The following AKAP6 variants were observed in gnomAD, a reference collection of about 807,000 sequenced individuals.
AKAP6 encodes the protein A-kinase anchor protein 6.
Under a neutral mutation model 188.5 loss-of-function variants are expected in AKAP6, and 58 were observed. The ratio of observed to expected loss-of-function variants is 0.31; its 90% confidence interval spans 0.25 to 0.38. The LOEUF (loss-of-function observed/expected upper bound fraction) is 0.38. Among genes scored for constraint, AKAP6 ranks in the 10% least tolerant of loss-of-function variants. The pLI, the probability that AKAP6 is intolerant of heterozygous loss-of-function variation, is 1.00. For synonymous variants in AKAP6, 989 were observed against 998.6 expected, an observed-to-expected ratio of 0.99 and a Z score of 0.18; for missense variants, 2,710 against 2,740.0, an observed-to-expected ratio of 0.99 and a Z score of 0.24.
intron 12 of AKAP6, among the ~76,000 whole-genome samples, chr14:32,789,558 T>G (rs946126184): frequency 6.6e-6 from 1 of 152,120 alleles, no homozygotes; most frequent in South Asian, 2.1e-4. Context: ...CAGCCTTCAC[T>G]GGTGAAACCT....
chr14:32,478,740 A>G (rs768750), intron 2 of AKAP6, among the ~76,000 whole-genome samples: 65,594 of 151,912 alleles, frequency 0.43, 14,446 homozygotes, highest in Middle Eastern at 0.54. Flanking sequence ...GATGATTATC[A>G]CTCTTTTAGG....
At chr14:32,551,571 C>CA (rs1184190008) in intron 4 of AKAP6, among the ~76,000 whole-genome samples, 8,197 of 50,848 alleles carry the variant, frequency 0.16, 505 homozygotes, top group African/African-American at 0.24. Flanking sequence ...GACTTGGTCT[C>CA]AAAAAAAAAA....
intron 2 of AKAP6, among the ~76,000 whole-genome samples, chr14:32,449,255 C>T (rs1014985064): frequency 6.6e-6 from 1 of 152,020 alleles, no homozygotes; most frequent in Non-Finnish European, 1.5e-5. Context: ...TGCCTGTAAC[C>T]CCAGCACTTT....
chr14:32,572,440 G>A (rs1884534537), intron 4 of AKAP6, among the ~76,000 whole-genome samples: 1 of 152,134 alleles, frequency 6.6e-6, no homozygotes, highest in African/African-American at 2.4e-5. Context: ...TCCATTATGT[G>A]GCTGTTCCCT....
chr14:32,776,627 T>G (rs938234440), intron 12 of AKAP6, among the ~76,000 whole-genome samples: 1 of 152,236 alleles, frequency 6.6e-6, no homozygotes, highest in African/African-American at 2.4e-5. Flanking sequence ...TGAGTACATG[T>G]GTTCATTTAA....
intron 4 of AKAP6, among the ~76,000 whole-genome samples, chr14:32,547,533 C>T (rs114457170): frequency 0.016 from 2,434 of 152,188 alleles, 62 homozygotes; most frequent in African/African-American, 0.054. Context: ...ACCATATTAC[C>T]TATACATGTA....
intron 1 of AKAP6, among the ~76,000 whole-genome samples, chr14:32,359,138 C>T (rs1260286389): frequency 6.6e-6 from 1 of 152,034 alleles, no homozygotes; most frequent in East Asian, 1.9e-4. Context: ...CATAACAACT[C>T]TAAAATAAAG....
At chr14:32,818,683 A>T (rs1299314549) in intron 12 of AKAP6, among the ~76,000 whole-genome samples, 1 of 152,208 alleles carries the variant, frequency 6.6e-6, no homozygotes, top group Non-Finnish European at 1.5e-5. Flanking sequence ...TTGAATTCGT[A>T]AAGCCGTAAA....
chr14:32,819,484 T>C (rs548585938), intron 12 of AKAP6, among the ~76,000 whole-genome samples: 1 of 152,304 alleles, frequency 6.6e-6, no homozygotes, highest in South Asian at 2.1e-4. Context: ...AATACAAATA[T>C]GCTAGCCTGT....
chr14:32,370,611 T>C (rs1350148124), intron 1 of AKAP6, among the ~76,000 whole-genome samples: 2 of 152,200 alleles, frequency 1.3e-5, no homozygotes, highest in African/African-American at 2.4e-5. Context: ...GTGGCTGTAT[T>C]AGTGCTGGTG....
intron 12 of AKAP6, among the ~76,000 whole-genome samples, chr14:32,787,953 A>G (rs1322497367): frequency 6.7e-6 from 1 of 150,322 alleles, no homozygotes; most frequent in African/African-American, 2.4e-5. Context: ...AAACAGGAGG[A>G]CTGCTTGAGC....
intron 7 of AKAP6, among the ~76,000 whole-genome samples, chr14:32,604,508 A>G (rs1250049524): frequency 2.0e-5 from 3 of 152,196 alleles, no homozygotes; most frequent in Non-Finnish European, 2.9e-5. Flanking sequence ...CATGCTTTCT[A>G]TTTGTTTAAT....
chr14:32,567,397 T>C (rs1459461425), intron 4 of AKAP6, among the ~76,000 whole-genome samples: 1 of 152,198 alleles, frequency 6.6e-6, no homozygotes, highest in Non-Finnish European at 1.5e-5. Context: ...TTTTCTGTCT[T>C]CTTGGCTCCC....
At chr14:32,557,075 T>G (rs1329584508) in intron 4 of AKAP6, among the ~76,000 whole-genome samples, 2 of 152,094 alleles carry the variant, frequency 1.3e-5, no homozygotes, top group East Asian at 3.9e-4. Flanking sequence ...GCCCTTTTTT[T>G]GTTCTTGTTG....
At chr14:32,542,871 C>A (rs1401576061) in intron 3 of AKAP6, among the ~76,000 whole-genome samples, 2 of 152,150 alleles carry the variant, frequency 1.3e-5, no homozygotes, top group Non-Finnish European at 2.9e-5. Flanking sequence ...AATATTAAAG[C>A]AATATATCTT....
intron 7 of AKAP6, among the ~76,000 whole-genome samples, chr14:32,601,445 T>A (rs1273143891): frequency 6.6e-6 from 1 of 152,232 alleles, no homozygotes; most frequent in Non-Finnish European, 1.5e-5. Context: ...CCATAAAACA[T>A]ATGCAATTGA....
intron 7 of AKAP6, among the ~76,000 whole-genome samples, chr14:32,655,871 C>A (rs1213074216): frequency 6.6e-6 from 1 of 151,868 alleles, no homozygotes; most frequent in Non-Finnish European, 1.5e-5. Flanking sequence ...GTTGCATGGA[C>A]CATATTGTCC....
chr14:32,736,866 G>C (rs1245580169), intron 11 of AKAP6, among the ~76,000 whole-genome samples: 1 of 152,082 alleles, frequency 6.6e-6, no homozygotes, highest in Admixed American at 6.6e-5. Flanking sequence ...TATAACCCTA[G>C]TGGAGGCACC....
intron 11 of AKAP6, among the ~76,000 whole-genome samples, chr14:32,745,509 CTCTCTCTCTG>C (rs2031867496): frequency 4.7e-5 from 7 of 149,876 alleles, no homozygotes; most frequent in Non-Finnish European, 1.0e-4. Context: ...CTCTCTCTCT[CTCTCTCTCTG>C]TCTGTCTCTC....
Sources: gnomAD v4.1 joint callset for allele counts (sites outside exome capture counted in the v4.1 genomes callset) on GRCh38, gnomAD v4.1.1 for gene constraint, MANE v1.5 for transcripts, NCBI Gene and HGNC (gene_info 2026-07-23, HGNC 2026-07-21) for gene names.